The following SGK1 variants were observed in gnomAD, a reference collection of about 807,000 sequenced individuals.
SGK1 encodes the protein serum/glucocorticoid regulated kinase 1.
In SGK1, 26 loss-of-function variants were observed where a neutral mutation model predicts 64.2. The observed-to-expected ratio is 0.40, with a 90% CI of 0.30 to 0.56. The LOEUF (loss-of-function observed/expected upper bound fraction) is 0.56. Ranked by LOEUF, SGK1 falls within the 20% of genes least tolerant of loss-of-function variation. The probability of loss-of-function intolerance (pLI) is 0.38; values close to 1 mark genes in which losing one functional copy is unlikely to be tolerated. For missense variants in SGK1, 519 were observed against 645.6 expected (o/e 0.80, Z 2.12); for synonymous variants, 265 against 239.7 (o/e 1.11, Z -0.98).
chr6:134,245,665 G>C (rs2114729742), intron 2 of SGK1, among the ~76,000 whole-genome samples: 1 of 152,304 alleles, frequency 6.6e-6, no homozygotes, highest in Non-Finnish European at 1.5e-5. Context: ...ACCAGCCTGG[G>C]CAACATAGCG....
intron 1 of SGK1, among the ~76,000 whole-genome samples, chr6:134,277,369 G>T (rs1440877914): frequency 6.6e-6 from 1 of 152,066 alleles, no homozygotes. Context: ...ACAAAAAAAG[G>T]AAATAAAAAT....
intron 12 of SGK1, 43 bp from the exon 13 acceptor site, chr6:134,170,958 A>G (rs1459765801): frequency 1.2e-6 from 2 of 1,607,906 alleles, no homozygotes; most frequent in South Asian, 1.1e-5. Context: ...AGGTGCATTC[A>G]ATAAGGGCAG....
intron 1 of SGK1, among the ~76,000 whole-genome samples, chr6:134,295,121 G>A (rs1562277090): frequency 6.6e-6 from 1 of 151,834 alleles, no homozygotes; most frequent in African/African-American, 2.4e-5. Context: ...ACATTCTCCT[G>A]CCCCCCAAGG....
At chr6:134,245,945 T>C (rs1274236491) in intron 2 of SGK1, among the ~76,000 whole-genome samples, 1 of 152,232 alleles carries the variant, frequency 6.6e-6, no homozygotes, top group East Asian at 1.9e-4. Flanking sequence ...CATCTAATGA[T>C]GTAGTTGCTT....
intron 1 of SGK1, among the ~76,000 whole-genome samples, chr6:134,266,961 T>C (rs1036544149): frequency 5.3e-5 from 8 of 152,178 alleles, no homozygotes; most frequent in African/African-American, 1.9e-4. Flanking sequence ...AAATCAATCT[T>C]TTTACTCTGG....
intron 2 of SGK1, among the ~76,000 whole-genome samples, chr6:134,236,613 C>T (rs908575448): frequency 2.0e-5 from 3 of 151,802 alleles, no homozygotes; most frequent in Non-Finnish European, 4.4e-5. Context: ...GATGACAGAC[C>T]GAGACTCTAT....
chr6:134,198,122 A>G (rs1775625251), intron 3 of SGK1, among the ~76,000 whole-genome samples: 1 of 152,156 alleles, frequency 6.6e-6, no homozygotes, highest in Non-Finnish European at 1.5e-5. Context: ...TTCAAATCCT[A>G]GCTTCATCTC....
At chr6:134,273,576 G>T (rs1315566264) in intron 1 of SGK1, among the ~76,000 whole-genome samples, 1 of 90,064 alleles carries the variant, frequency 1.1e-5, no homozygotes, top group African/African-American at 4.4e-5. Context: ...CTGGGCGACA[G>T]AGCGAGACTC....
intron 1 of SGK1, among the ~76,000 whole-genome samples, chr6:134,282,908 C>T (rs1335220056): frequency 2.0e-5 from 3 of 151,742 alleles, no homozygotes; most frequent in Non-Finnish European, 4.4e-5. Context: ...AGAACCCTAA[C>T]TGATACAGAG....
chr6:134,289,541 C>T (rs1777232510), intron 1 of SGK1, among the ~76,000 whole-genome samples: 1 of 151,892 alleles, frequency 6.6e-6, no homozygotes, highest in South Asian at 2.1e-4. Context: ...TCAATGTACC[C>T]CCAACATTAT....
At chr6:134,240,291 CAAAAAAA>C (rs148740677) in intron 2 of SGK1, among the ~76,000 whole-genome samples, 1 of 84,420 alleles carries the variant, frequency 1.2e-5, no homozygotes, top group African/African-American at 4.3e-5. Flanking sequence ...GACTCCATCT[CAAAAAAA>C]AAAAAAAAAA....
chr6:134,293,792 A>T (rs1010124268), intron 1 of SGK1, among the ~76,000 whole-genome samples: 1 of 152,132 alleles, frequency 6.6e-6, no homozygotes, highest in Non-Finnish European at 1.5e-5. Context: ...ATGGCCTCAT[A>T]ATTCCTTGAT....
rs1562269028 is a variant in SGK1 at position 134,265,634 on chromosome 6, A to ATGTGTG, written c.70-3487_70-3486insCACACA. 8.0e-3 allele frequency among the ~76,000 whole-genome samples: 1,168 copies of ATGTGTG among 145,952 alleles called. 18 individuals carry two copies. Among genetic ancestry groups the ATGTGTG allele is most frequent in the African/African-American group, 0.028 (1,106 of 39,912 alleles). Reference sequence around the variant, plus strand: ...TATATATATACATATATATATATACATATATATATACACAGAAACACTATA... The same window carrying ATGTGTG: ...TATATATATACATATATATATATACATGTGTGTATATATATACACAGAAACACTATA... On this transcript the variant is annotated intron_variant, in intron 1 of 13. Coordinates refer to ENST00000367858, the MANE Select transcript of SGK1 (RefSeq NM_001143676.3).
At chr6:134,303,285 A>G (rs1168261181) in intron 1 of SGK1, among the ~76,000 whole-genome samples, 3 of 151,816 alleles carry the variant, frequency 2.0e-5, no homozygotes, top group Non-Finnish European at 4.4e-5. Context: ...CCAGCTACTC[A>G]GGAGGCTGAG....
At chr6:134,227,883 T>G (rs142377356) in intron 2 of SGK1, among the ~76,000 whole-genome samples, 119 of 151,118 alleles carry the variant, frequency 7.9e-4, no homozygotes, top group African/African-American at 2.7e-3. Flanking sequence ...TTCTTTTAAC[T>G]CTAGTATTTA....
chr6:134,181,600 C>T (rs1412425771), intron 3 of SGK1, among the ~76,000 whole-genome samples: 2 of 152,096 alleles, frequency 1.3e-5, no homozygotes, highest in African/African-American at 4.8e-5. Context: ...CTGCCTCAGC[C>T]TCCCAAAGTG....
intron 1 of SGK1, chr6:134,298,594 A>T (rs947637171): frequency 1.4e-5 from 14 of 980,668 alleles, no homozygotes; most frequent in African/African-American, 1.6e-5. Flanking sequence ...GAGCTTGAGG[A>T]GCTGATGCAG....
At chr6:134,272,527 C>A (rs1477289860) in intron 1 of SGK1, among the ~76,000 whole-genome samples, 2 of 146,696 alleles carry the variant, frequency 1.4e-5, no homozygotes, top group Non-Finnish European at 3.0e-5. Flanking sequence ...ATATTAAACA[C>A]CTTGTTCTTG....
At chr6:134,226,862 A>AT (rs1776190871) in intron 2 of SGK1, among the ~76,000 whole-genome samples, 1 of 150,792 alleles carries the variant, frequency 6.6e-6, no homozygotes, top group Admixed American at 6.6e-5. Flanking sequence ...ATTTGTTTTT[A>AT]TTTTTTGTAG....
Sources: allele counts gnomAD v4.1 joint callset (sites outside exome capture counted in the v4.1 genomes callset), GRCh38; gene constraint gnomAD v4.1.1; transcripts MANE v1.5; gene names NCBI Gene and HGNC (gene_info 2026-07-23, HGNC 2026-07-21).